The following CEP112 variants were observed in gnomAD, a reference collection of about 807,000 sequenced individuals.
The protein encoded by CEP112 is centrosomal protein 112.
Under a neutral mutation model 153.0 loss-of-function variants are expected in CEP112, and 127 were observed. The ratio of observed to expected loss-of-function variants is 0.83; its 90% confidence interval spans 0.72 to 0.96. The LOEUF (loss-of-function observed/expected upper bound fraction) is 0.96. Among genes scored for constraint, CEP112 ranks in the 40% least tolerant of loss-of-function variants. The pLI, the probability that CEP112 is intolerant of heterozygous loss-of-function variation, is 0.00. For synonymous variants in CEP112, 358 were observed against 374.4 expected (o/e 0.96, Z 0.51); for missense variants, 1,089 against 1,101.2 (o/e 0.99, Z 0.16).
At chr17:66,084,561 A>C (rs902837568) in intron 8 of CEP112, among the ~76,000 whole-genome samples, 34 of 152,212 alleles carry the variant, frequency 2.2e-4, no homozygotes, top group African/African-American at 7.2e-4. Flanking sequence ...AGCCAAGCAC[A>C]GAAAGACAAA....
intron 22 of CEP112, among the ~76,000 whole-genome samples, chr17:65,747,640 C>A (rs2051554373): frequency 6.6e-6 from 1 of 152,106 alleles, no homozygotes; most frequent in African/African-American, 2.4e-5. Context: ...GCATCGTCTC[C>A]ATTCTTTTCT....
chr17:66,108,860 C>A (rs151136), intron 6 of CEP112, among the ~76,000 whole-genome samples: 152,070 of 152,320 alleles, frequency 1, 75,911 homozygotes, highest in Middle Eastern at 1. Context: ...TCTGGAAGCA[C>A]GCTAAGTATC....
chr17:66,061,833 G>A (rs896447464), intron 11 of CEP112, among the ~76,000 whole-genome samples: 2 of 152,082 alleles, frequency 1.3e-5, no homozygotes, highest in African/African-American at 4.8e-5. Context: ...CAGGTATAAT[G>A]TTACAGTTAT....
chr17:65,666,166 C>T (rs1336476391), intron 24 of CEP112, among the ~76,000 whole-genome samples: 1 of 152,232 alleles, frequency 6.6e-6, no homozygotes, highest in Non-Finnish European at 1.5e-5. Context: ...TGGGAGCTCC[C>T]TGACACCTGC....
At chr17:66,079,661 T>G (rs1244801648) in intron 8 of CEP112, among the ~76,000 whole-genome samples, 3 of 152,286 alleles carry the variant, frequency 2.0e-5, no homozygotes, top group Admixed American at 6.5e-5. Flanking sequence ...AAAACTACTT[T>G]AAATTTCATA....
chr17:65,971,221 T>C (rs1228629144), intron 17 of CEP112, among the ~76,000 whole-genome samples: 3 of 152,210 alleles, frequency 2.0e-5, no homozygotes, highest in East Asian at 1.9e-4. Context: ...ATATCACATG[T>C]ATATTACATA....
intron 18 of CEP112, among the ~76,000 whole-genome samples, chr17:65,941,885 C>T (rs1044585739): frequency 6.3e-4 from 95 of 151,960 alleles, no homozygotes; most frequent in African/African-American, 2.2e-3. Flanking sequence ...CCAGTTAAAG[C>T]GATTCTTCTG....
At chr17:66,131,875 C>G (rs947593026) in intron 5 of CEP112, among the ~76,000 whole-genome samples, 3 of 151,896 alleles carry the variant, frequency 2.0e-5, no homozygotes, top group South Asian at 2.1e-4. Flanking sequence ...TTCTCTTTTC[C>G]AAGCTAACTG....
chr17:66,105,536 G>A (rs1384476252), intron 6 of CEP112, among the ~76,000 whole-genome samples: 3 of 152,194 alleles, frequency 2.0e-5, no homozygotes, highest in Non-Finnish European at 4.4e-5. Flanking sequence ...GCTCATGCCT[G>A]TAATCCCAGC....
chr17:65,966,490 C>T (rs892287142), intron 17 of CEP112, among the ~76,000 whole-genome samples: 4 of 152,154 alleles, frequency 2.6e-5, no homozygotes, highest in Admixed American at 6.5e-5. Context: ...TTCCTGCCAG[C>T]TTGGCATCTC....
Position 65,645,589 on chromosome 17 carries a change from A to T in CEP112, c.2698-4524T>A, listed in dbSNP as rs57696928. Among the ~76,000 whole-genome samples, 26 of 152,234 alleles carry T rather than the reference A, an allele frequency of 1.7e-4. 2 individuals are homozygous for T. In the East Asian group the frequency reaches 4.6e-3, roughly 27 times the overall value. On this transcript the variant is annotated intron_variant, in intron 24 of 26. Transcript: ENST00000535342. ...GTCTGTTGACTTATATCATCTTTAG[A>T]TATGTCTCTTCTTTTTTCTATTTCT...
At chr17:65,821,031 AAC>A (rs1395240598) in intron 21 of CEP112, among the ~76,000 whole-genome samples, 3 of 152,120 alleles carry the variant, frequency 2.0e-5, no homozygotes, top group Non-Finnish European at 4.4e-5. Flanking sequence ...GAATATTAAA[AAC>A]AGTTATGTAA....
intron 2 of CEP112, among the ~76,000 whole-genome samples, chr17:66,180,803 CTCTAA>C (rs1265766771): frequency 7.2e-5 from 11 of 152,062 alleles, no homozygotes; most frequent in Admixed American, 6.6e-4. Flanking sequence ...CATAAATCTG[CTCTAA>C]TCTTTTAGTT....
chr17:65,900,908 G>A (rs1568194497), intron 20 of CEP112, among the ~76,000 whole-genome samples: 3 of 152,088 alleles, frequency 2.0e-5, no homozygotes, highest in Admixed American at 1.3e-4. Context: ...GCAAGCCAGC[G>A]TAAAACAAGT....
At chr17:65,960,213 T>C (rs560651861) in intron 18 of CEP112, among the ~76,000 whole-genome samples, 10 of 152,176 alleles carry the variant, frequency 6.6e-5, no homozygotes, top group Non-Finnish European at 5.9e-5. Context: ...AAATATACTA[T>C]ATTCATATGA....
Position 65,750,664 on chromosome 17 carries a change from G to C in CEP112, c.2455C>G (p.Gln819Glu), listed in dbSNP as rs762501308. 6.2e-7 allele frequency: 1 copy of C among 1,613,590 alleles called. No homozygotes were observed. The highest frequency in any genetic ancestry group is 8.5e-7 in the Non-Finnish European group (1 of 1,179,594). The change falls in exon 22 of 27, where the codon CAG becomes GAG. Residue 819 changes from glutamine to glutamate, a missense_variant and splice_region_variant. Gln to Glu is a conservative substitution (Grantham distance 29, BLOSUM62 2). Transcript: ENST00000535342. ...EYTQKLAKSS[Q>E]IIAELQTTIS... ...TTGTGTCTTTTAATGTTGCTTACCT[G>C]TGAAGATTTGGCAAGCTTCTGAGTG...
intron 24 of CEP112, among the ~76,000 whole-genome samples, chr17:65,682,623 A>G (rs1021288656): frequency 3.9e-5 from 6 of 152,152 alleles, no homozygotes; most frequent in African/African-American, 1.4e-4. Context: ...TAAAGAGTAG[A>G]CACTCAGTAA....
chr17:66,176,780 G>T, intron 3 of CEP112, 50 bp downstream of exon 3: 1 of 1,390,146 alleles, frequency 7.2e-7, no homozygotes, highest in Non-Finnish European at 9.8e-7. Flanking sequence ...ATAACTTGAC[G>T]CTTTTTTTTA....
At chr17:65,794,667 G>A (rs2054797524) in intron 21 of CEP112, among the ~76,000 whole-genome samples, 1 of 152,190 alleles carries the variant, frequency 6.6e-6, no homozygotes. Context: ...TCCTTCGAAT[G>A]TACCTTTCCT....
Sources: gnomAD v4.1 joint callset for allele counts (sites outside exome capture counted in the v4.1 genomes callset) on GRCh38, gnomAD v4.1.1 for gene constraint, MANE v1.5 for transcripts, NCBI Gene and HGNC (gene_info 2026-07-23, HGNC 2026-07-21) for gene names.